KIAA0319: variants seen among roughly 807,000 people sequenced by gnomAD.
KIAA0319 encodes the protein dyslexia-associated protein KIAA0319.
KIAA0319 carries 83 observed loss-of-function variants against 108.4 expected under a neutral mutation model. That is an observed-to-expected ratio of 0.77 (90% CI 0.64 to 0.92). The LOEUF is 0.92. Among genes scored for constraint, KIAA0319 ranks in the 40% least tolerant of loss-of-function variants. KIAA0319 has a pLI of 0.00. For missense variants in KIAA0319, 1,195 were observed against 1,322.4 expected (o/e 0.90, Z 1.49); for synonymous variants, 484 against 510.4 (o/e 0.95, Z 0.70).
Position 24,545,619 on chromosome 6 carries a change from T to G in KIAA0319, c.*1546A>C, listed in dbSNP as rs1433691133. 6 of 152,228 alleles carry G rather than the reference T, an allele frequency of 3.9e-5. No homozygotes were observed. 9.4% of individuals were successfully genotyped at this position (152,228 alleles called of 1,614,324 possible). A position where few individuals can be genotyped will look rare whatever the true frequency, so the allele number is the denominator to read the frequency against. On this transcript the variant is annotated 3_prime_UTR_variant, in exon 21 of 21. Transcript: ENST00000378214. ...AGTGTAGGCATAAGCAAAGCAATTA[T>G]TTTAAAAATAAAATGACACACTTTT... is the stretch of plus-strand genomic sequence containing the variant.
chr6:24,578,265 C>T (rs770611911), intron 8 of KIAA0319, 23 bp from the exon 9 acceptor site: 3 of 1,529,372 alleles, frequency 2.0e-6, no homozygotes, highest in Non-Finnish European at 1.8e-6. Context: ...GAAATAAAGA[C>T]AAGAATGAAA....
chr6:24,584,876 G>C (rs1387939170), intron 4 of KIAA0319, among the ~76,000 whole-genome samples: 1 of 152,170 alleles, frequency 6.6e-6, no homozygotes, highest in Non-Finnish European at 1.5e-5. Context: ...GTATGCAGTA[G>C]GTTCTATTAA....
chr6:24,630,928 G>A (rs1235490714), intron 1 of KIAA0319, among the ~76,000 whole-genome samples: 1 of 152,194 alleles, frequency 6.6e-6, no homozygotes, highest in Non-Finnish European at 1.5e-5. Context: ...AAAAGGGCAA[G>A]CTGCAGCTTT....
chr6:24,621,723 C>A (rs1282139634), intron 1 of KIAA0319, among the ~76,000 whole-genome samples: 1 of 152,176 alleles, frequency 6.6e-6, no homozygotes, highest in African/African-American at 2.4e-5. Context: ...ATAGACCAAT[C>A]ATTTCAAAGA....
intron 1 of KIAA0319, among the ~76,000 whole-genome samples, chr6:24,640,295 G>C (rs561696053): frequency 2.0e-5 from 3 of 152,316 alleles, no homozygotes; most frequent in African/African-American, 7.2e-5. Context: ...AAATAGAGAT[G>C]AGATGAGGGC....
chr6:24,610,174 T>G (rs906339283), intron 1 of KIAA0319, among the ~76,000 whole-genome samples: 4 of 152,108 alleles, frequency 2.6e-5, no homozygotes, highest in Non-Finnish European at 5.9e-5. Flanking sequence ...ATGAAATTTT[T>G]GCAAATCAAA....
chr6:24,635,334 C>T (rs1320535063), intron 1 of KIAA0319, among the ~76,000 whole-genome samples: 1 of 152,012 alleles, frequency 6.6e-6, no homozygotes, highest in Non-Finnish European at 1.5e-5. Context: ...AAGCTCCTGA[C>T]CTCAGGTGAC....
rs549158700 is a variant in KIAA0319 at position 24,559,143 on chromosome 6, C to T, written c.2604G>A (p.Val868=). ...RAHSDLSTVI[V]FYVQSRPPFK... Reference sequence around the variant, plus strand: ...AAGGCGGCCTGCTCTGTACATAAAACACAATCACGGTGCTGTGGAGGAGAC... The same window carrying T: ...AAGGCGGCCTGCTCTGTACATAAAATACAATCACGGTGCTGTGGAGGAGAC... The change falls in exon 17 of 21, where the codon GTG becomes GTA. Residue 868 remains valine (V), a synonymous_variant. Coordinates refer to ENST00000378214, the MANE Select transcript of KIAA0319 (RefSeq NM_014809.4). 107 of 1,612,992 alleles carry T rather than the reference C, an allele frequency of 6.6e-5. 1 individual carries two copies. In the South Asian group the frequency reaches 7.1e-4, roughly 11 times the overall value.
chr6:24,564,491 A>G lies in KIAA0319; in HGVS notation c.2293-151T>C, dbSNP rs115667645. ...AGGGAATGAGGCTGGCGGGATAGCT[A>G]AAGACTGGAGAAATCCTCAGCATCT... On this transcript the variant is annotated intron_variant, in intron 14 of 20. Transcript: ENST00000378214. 300 of 953,594 alleles carry G rather than the reference A, an allele frequency of 3.1e-4. 1 individual carries two copies. In the African/African-American group the frequency reaches 4.3e-3, roughly 14 times the overall value. The allele number at this position is 953,594 out of a possible 1,614,324, so 59.1% of individuals were successfully genotyped here.
At chr6:24,590,218 A>C (rs1205897549) in intron 3 of KIAA0319, among the ~76,000 whole-genome samples, 1 of 151,876 alleles carries the variant, frequency 6.6e-6, no homozygotes, top group African/African-American at 2.4e-5. Flanking sequence ...CACTACAAAT[A>C]GTAACTGAGC....
At chr6:24,581,612 C>T (rs761529657) in intron 6 of KIAA0319, among the ~76,000 whole-genome samples, 2 of 152,058 alleles carry the variant, frequency 1.3e-5, no homozygotes, top group Non-Finnish European at 2.9e-5. Flanking sequence ...AGAGATGTGC[C>T]GGACTGAGAA....
In KIAA0319 at chr6:24,563,478, A is replaced by G; in HGVS notation, c.2472T>C (p.Val824=). 1 of 1,613,102 alleles carries G rather than the reference A, an allele frequency of 6.2e-7. No individual in the cohort carries two copies. ...GCTGCTCTGTCAGCTGCCCAACACCAACCTGCAGGGTCAGCTCCACCAGGC... is the reference window on the plus strand; with the variant it reads ...GCTGCTCTGTCAGCTGCCCAACACCGACCTGCAGGGTCAGCTCCACCAGGC... ...KSGLVELTLQ[V]GVGQLTEQRK... is the part of the protein sequence containing the mutation. The change falls in exon 16 of 21, where the codon GTT becomes GTC. Residue 824 remains valine (V), a synonymous_variant. Coordinates refer to ENST00000378214, the MANE Select transcript of KIAA0319 (RefSeq NM_014809.4).
intron 3 of KIAA0319, among the ~76,000 whole-genome samples, chr6:24,589,312 C>T (rs545960194): frequency 2.1e-4 from 32 of 152,248 alleles, no homozygotes; most frequent in African/African-American, 6.3e-4. Context: ...AATCAAGAAA[C>T]CCTCGCCAAG....
intron 14 of KIAA0319, among the ~76,000 whole-genome samples, chr6:24,565,995 C>T (rs1763858549): frequency 6.6e-6 from 1 of 152,132 alleles, no homozygotes; most frequent in South Asian, 2.1e-4. Flanking sequence ...TGGTTTCCTG[C>T]CCCATCCAAA....
At chr6:24,616,574 G>C (rs1019344403) in intron 1 of KIAA0319, among the ~76,000 whole-genome samples, 12 of 152,132 alleles carry the variant, frequency 7.9e-5, no homozygotes, top group African/African-American at 2.4e-4. Context: ...GGATGGTCTC[G>C]ATTTCTTGAC....
At chr6:24,557,477 G>A (rs998189633) in intron 17 of KIAA0319, among the ~76,000 whole-genome samples, 11 of 152,300 alleles carry the variant, frequency 7.2e-5, no homozygotes, top group Middle Eastern at 6.8e-3. Flanking sequence ...CACTGCAGCC[G>A]GGGCAACAGA....
At chr6:24,587,345 A>G (rs1361288388) in intron 4 of KIAA0319, among the ~76,000 whole-genome samples, 1 of 151,804 alleles carries the variant, frequency 6.6e-6, no homozygotes, top group East Asian at 1.9e-4. Flanking sequence ...CAGTGGCATG[A>G]TCTCAGCTCA....
Position 24,547,309 on chromosome 6 carries a change from GCTGGAGTTGTGCT to G in KIAA0319, c.3062_3074del (p.Glu1021AlafsTer2). The G allele has an allele frequency of 6.2e-7, 1 of 1,614,146 alleles. No individual in the cohort carries two copies. The highest frequency in any genetic ancestry group is 8.5e-7 in the Non-Finnish European group (1 of 1,179,982). On this transcript the variant is annotated frameshift_variant, in exon 21 of 21. Transcript: ENST00000378214. LOFTEE classifies it low-confidence loss of function (END_TRUNC). The stretch of plus-strand genomic sequence containing the variant: ...CAAACTCAGACTCGGATACCATCAG[GCTGGAGTTGTGCT>G]CTGTGCTTCGGTGCTTGATACCTAG...
At chr6:24,636,381 A>G (rs185983781) in intron 1 of KIAA0319, among the ~76,000 whole-genome samples, 2 of 152,376 alleles carry the variant, frequency 1.3e-5, no homozygotes, top group East Asian at 3.8e-4. Context: ...GGAAAATGCA[A>G]ATTATGAAAA....
Sources: allele counts gnomAD v4.1 joint callset (sites outside exome capture counted in the v4.1 genomes callset), GRCh38; gene constraint gnomAD v4.1.1; transcripts MANE v1.5; gene names NCBI Gene and HGNC (gene_info 2026-07-23, HGNC 2026-07-21).